The following SDF2 variants were observed in gnomAD, a reference collection of about 807,000 sequenced individuals.
SDF2 encodes stromal cell-derived factor 2.
Under a neutral mutation model 20.5 loss-of-function variants are expected in SDF2, and 12 were observed. The observed-to-expected ratio is 0.58, with a 90% CI of 0.37 to 0.95. The LOEUF is 0.95. SDF2 is among the 40% of genes least tolerant of loss of function. SDF2 has a pLI of 0.01. For synonymous variants in SDF2, 100 were observed against 101.0 expected (o/e 0.99, Z 0.06); for missense variants, 238 against 263.1 (o/e 0.90, Z 0.66).
intron 1 of SDF2, chr17:28,657,680 G>A (rs746453025): frequency 1.2e-4 from 18 of 151,722 alleles, no homozygotes; most frequent in Admixed American, 3.9e-4. Context: ...TTACAGATGT[G>A]AGCCACCACA....
At chr17:28,662,103 T>C, upstream of SDF2, 1 of 443,894 alleles carries the variant, frequency 2.3e-6, no homozygotes, top group Non-Finnish European at 4.0e-6. Flanking sequence ...GCCGCTTCGG[T>C]TACCTTTCGC....
intron 2 of SDF2, among the ~76,000 whole-genome samples, chr17:28,654,577 A>T (rs2071941048): frequency 6.6e-6 from 1 of 152,178 alleles, no homozygotes; most frequent in South Asian, 2.1e-4. Flanking sequence ...CACTTCCAGG[A>T]GGCAGAGGCG....
intron 1 of SDF2, among the ~76,000 whole-genome samples, chr17:28,659,572 G>A (rs1272863383): frequency 7.6e-5 from 11 of 145,694 alleles, no homozygotes; most frequent in African/African-American, 1.8e-4. Context: ...CAGATGGCGC[G>A]GCCGGGCAGA....
intron 1 of SDF2, among the ~76,000 whole-genome samples, chr17:28,659,980 T>A (rs1567678702): frequency 6.6e-6 from 1 of 152,246 alleles, no homozygotes; most frequent in Non-Finnish European, 1.5e-5. Context: ...AGACTCCATC[T>A]GCAATCCCAG....
intron 2 of SDF2, among the ~76,000 whole-genome samples, chr17:28,650,134 T>C (rs1341258279): frequency 2.6e-5 from 4 of 151,692 alleles, no homozygotes; most frequent in African/African-American, 7.3e-5. Flanking sequence ...GTATTTTTAG[T>C]AGAGACAGGG....
At chr17:28,659,370 GC>G (rs1247723359) in intron 1 of SDF2, among the ~76,000 whole-genome samples, 1 of 142,224 alleles carries the variant, frequency 7.0e-6, no homozygotes, top group Non-Finnish European at 1.5e-5. Flanking sequence ...GGGCAGCCGG[GC>G]AGAGGCGCTC....
intron 2 of SDF2, 23 bp downstream of exon 2, chr17:28,655,264 C>G (rs2071951014): frequency 1.2e-6 from 2 of 1,610,318 alleles, no homozygotes; most frequent in African/African-American, 2.7e-5. Context: ...AGAGCAGCAA[C>G]AATCCATCGA....
At chr17:28,657,347 G>A (rs935560068) in intron 1 of SDF2, among the ~76,000 whole-genome samples, 4 of 152,058 alleles carry the variant, frequency 2.6e-5, no homozygotes, top group Admixed American at 6.6e-5. Flanking sequence ...AGGAGTTCGA[G>A]ACTAGCCTCA....
intron 1 of SDF2, chr17:28,661,144 T>A (rs1438289460): frequency 4.5e-6 from 2 of 446,862 alleles, no homozygotes; most frequent in South Asian, 1.6e-5. Flanking sequence ...CCAAGTTTCT[T>A]ACAAGAAGGA....
chr17:28,654,216 T>C (rs1488873365), intron 2 of SDF2, among the ~76,000 whole-genome samples: 3 of 151,776 alleles, frequency 2.0e-5, no homozygotes, highest in Non-Finnish European at 4.4e-5. Flanking sequence ...GTGGGAGAAT[T>C]GCTTGAGCCC....
chr17:28,652,623 T>C (rs1380755829), intron 2 of SDF2, among the ~76,000 whole-genome samples: 1 of 152,172 alleles, frequency 6.6e-6, no homozygotes, highest in Non-Finnish European at 1.5e-5. Context: ...TTATTTATTC[T>C]GTCAAGTGAG....
At chr17:28,649,734 CAAAAAAA>C (rs1183683101) in intron 2 of SDF2, among the ~76,000 whole-genome samples, 5 of 61,244 alleles carry the variant, frequency 8.2e-5, no homozygotes, top group African/African-American at 3.1e-4. Context: ...AACTCTGTCT[CAAAAAAA>C]AAAAAAGAAA....
chr17:28,661,284 C>G, intron 1 of SDF2: 1 of 393,216 alleles, frequency 2.5e-6, no homozygotes, highest in Non-Finnish European at 5.0e-6. Flanking sequence ...ACAGACAGTA[C>G]TTACTGTAAC....
intron 1 of SDF2, among the ~76,000 whole-genome samples, chr17:28,656,609 T>C (rs1017828151): frequency 6.6e-6 from 1 of 151,852 alleles, no homozygotes; most frequent in African/African-American, 2.4e-5. Flanking sequence ...ATAAATAAAC[T>C]GTGTCCACGT....
At position 28,656,181 on chromosome 17, in the gene SDF2, G is replaced by A. The variant is rs1443612141; in HGVS notation, c.152-698C>T. 3 of 152,164 alleles carry A rather than the reference G, an allele frequency of 2.0e-5. No homozygotes were observed. The East Asian group carries it at 5.8e-4, about 29-fold the overall frequency. 9.4% of individuals were successfully genotyped at this position (152,164 alleles called of 1,614,324 possible). On this transcript the variant is annotated intron_variant, in intron 1 of 2. Coordinates refer to ENST00000247020, the MANE Select transcript of SDF2 (RefSeq NM_006923.4). ...AAAAAATACAAATCATACTGGGCGTGGTGGCTCACGCTTGTAATCCCAGCA... is the reference window on the plus strand; with the variant it reads ...AAAAAATACAAATCATACTGGGCGTAGTGGCTCACGCTTGTAATCCCAGCA...
intron 2 of SDF2, among the ~76,000 whole-genome samples, chr17:28,654,528 A>C (rs2071940054): frequency 2.6e-5 from 4 of 152,120 alleles, no homozygotes; most frequent in Admixed American, 2.6e-4. Flanking sequence ...TTATAAAACA[A>C]AGCCGGCTGG....
At chr17:28,650,468 ATTTC>A (rs1178901062) in intron 2 of SDF2, among the ~76,000 whole-genome samples, 1 of 151,878 alleles carries the variant, frequency 6.6e-6, no homozygotes, top group African/African-American at 2.4e-5. Flanking sequence ...TTAAAACAGA[ATTTC>A]TTTTTTTTTT....
chr17:28,658,997 C>T (rs1189251945), intron 1 of SDF2, among the ~76,000 whole-genome samples: 2 of 146,570 alleles, frequency 1.4e-5, no homozygotes, highest in East Asian at 2.1e-4. Context: ...CGGACAGAGG[C>T]GCTCCTCCCC....
At chr17:28,654,443 T>G (rs1016996860) in intron 2 of SDF2, among the ~76,000 whole-genome samples, 4 of 152,130 alleles carry the variant, frequency 2.6e-5, no homozygotes, top group Non-Finnish European at 5.9e-5. Context: ...GTATACCCAG[T>G]CTGTCTGTCC....
Sources: allele counts gnomAD v4.1 joint callset (sites outside exome capture counted in the v4.1 genomes callset), GRCh38; gene constraint gnomAD v4.1.1; transcripts MANE v1.5; gene names NCBI Gene and HGNC (gene_info 2026-07-23, HGNC 2026-07-21).